LPP: variants seen among roughly 807,000 people sequenced by gnomAD.
LPP encodes the protein LIM domain containing preferred translocation partner in lipoma.
LPP carries 38 observed loss-of-function variants against 60.4 expected under a neutral mutation model. The ratio of observed to expected loss-of-function variants is 0.63; its 90% CI spans 0.49 to 0.83. The LOEUF (loss-of-function observed/expected upper bound fraction) is 0.83, where lower values mean the gene tolerates loss of function less well. LPP is among the 40% of genes least tolerant of loss of function. LPP has a pLI of 0.00. For synonymous variants in LPP, 328 were observed against 290.8 expected, an observed-to-expected ratio of 1.13 and a Z score of -1.30; for missense variants, 902 against 783.6, an observed-to-expected ratio of 1.15 and a Z score of -1.80.
chr3:188,334,422 C>CTTTTTTTTTTTTTTTTT (rs71167095), intron 2 of LPP, among the ~76,000 whole-genome samples: 1 of 98,676 alleles, frequency 1.0e-5, no homozygotes, highest in South Asian at 3.5e-4. Context: ...ATATTTCTTT[C>CTTTTTTTTTTTTTTTTT]TTTTTTTTTT....
intron 4 of LPP, 109 bp downstream of exon 4, chr3:188,406,422 C>T (rs1045503735): frequency 3.1e-5 from 31 of 1,013,440 alleles, no homozygotes; most frequent in Middle Eastern, 2.1e-4. Flanking sequence ...GAATTCACAG[C>T]GTGGGTGTCA....
intron 2 of LPP, among the ~76,000 whole-genome samples, chr3:188,326,935 AAG>A (rs1248626873): frequency 6.6e-6 from 1 of 152,176 alleles, no homozygotes; most frequent in Non-Finnish European, 1.5e-5. Flanking sequence ...AAATGAAGTA[AAG>A]AGACACAATG....
At chr3:188,272,003 C>T (rs1737909748) in intron 2 of LPP, among the ~76,000 whole-genome samples, 1 of 152,068 alleles carries the variant, frequency 6.6e-6, no homozygotes, top group South Asian at 2.1e-4. Context: ...TGGTCCCTTT[C>T]CTGGAAGCTG....
intron 2 of LPP, among the ~76,000 whole-genome samples, chr3:188,331,021 AT>A (rs1759908818): frequency 1.3e-5 from 2 of 151,818 alleles, no homozygotes; most frequent in African/African-American, 2.4e-5. Flanking sequence ...AGACTTCTAC[AT>A]TTGTTTTTTT....
chr3:188,200,925 A>G (rs1730909522), intron 1 of LPP, among the ~76,000 whole-genome samples: 1 of 152,184 alleles, frequency 6.6e-6, no homozygotes, highest in South Asian at 2.1e-4. Flanking sequence ...TATGTTTAAT[A>G]TTTGTTTATT....
At chr3:188,872,603 G>T (rs73888960) in intron 10 of LPP, 40 bp from the exon 11 acceptor site, 2 of 1,613,136 alleles carry the variant, frequency 1.2e-6, no homozygotes, top group East Asian at 4.5e-5. Context: ...CCTCAGTGTC[G>T]ACGCGCAGTA....
intron 4 of LPP, among the ~76,000 whole-genome samples, chr3:188,449,334 T>C (rs1411727728): frequency 1.3e-5 from 2 of 152,198 alleles, no homozygotes; most frequent in African/African-American, 4.8e-5. Context: ...CCTTCTTCCA[T>C]TCTCCCTTCC....
intron 8 of LPP, among the ~76,000 whole-genome samples, chr3:188,736,254 T>A (rs1722467570): frequency 6.6e-6 from 1 of 152,064 alleles, no homozygotes; most frequent in Admixed American, 6.5e-5. Flanking sequence ...TTAAAGTGTA[T>A]GTAAATATCA....
At chr3:188,383,579 A>AATTTTCAAAAG (rs1777446155) in intron 3 of LPP, among the ~76,000 whole-genome samples, 1 of 152,146 alleles carries the variant, frequency 6.6e-6, no homozygotes, top group Non-Finnish European at 1.5e-5. Flanking sequence ...CAATTATGTA[A>AATTTTCAAAAG]ATTTTCAAAA....
chr3:188,738,352 A>G (rs2150136360), intron 8 of LPP, among the ~76,000 whole-genome samples: 1 of 152,282 alleles, frequency 6.6e-6, no homozygotes, highest in Non-Finnish European at 1.5e-5. Context: ...AGCAACTCTA[A>G]TTTAATAGAA....
intron 4 of LPP, among the ~76,000 whole-genome samples, chr3:188,478,750 G>A (rs568439469): frequency 8.6e-5 from 13 of 151,832 alleles, no homozygotes; most frequent in Admixed American, 7.9e-4. Flanking sequence ...ATAGTTTTTT[G>A]TTTTTTTGTT....
intron 7 of LPP, among the ~76,000 whole-genome samples, chr3:188,629,663 T>G (rs2148483567): frequency 6.6e-6 from 1 of 152,132 alleles, no homozygotes; most frequent in Middle Eastern, 3.4e-3. Context: ...GCCGAAGCAA[T>G]TTATAGATTC....
chr3:188,498,162 C>T (rs4686965), intron 5 of LPP, among the ~76,000 whole-genome samples: 146,510 of 152,090 alleles, frequency 0.96, 70,823 homozygotes, highest in East Asian at 1. Context: ...TCTTTTTTTT[C>T]CCCCCCAGCT....
intron 4 of LPP, among the ~76,000 whole-genome samples, chr3:188,433,645 A>G (rs1456906178): frequency 2.0e-5 from 3 of 149,128 alleles, no homozygotes; most frequent in Non-Finnish European, 4.5e-5. Flanking sequence ...GGAGAGAGAG[A>G]AGGAGGGAGA....
At chr3:188,728,616 G>C (rs1719279929) in intron 8 of LPP, among the ~76,000 whole-genome samples, 1 of 152,136 alleles carries the variant, frequency 6.6e-6, no homozygotes. Flanking sequence ...TAGTAGATTT[G>C]TGGGTTGCAT....
intron 2 of LPP, among the ~76,000 whole-genome samples, chr3:188,275,440 G>T (rs1383705301): frequency 1.3e-5 from 2 of 152,110 alleles, no homozygotes; most frequent in African/African-American, 4.8e-5. Context: ...GCTCATCTCA[G>T]CCTGGAACTC....
At chr3:188,244,970 C>A (rs1186993634) in intron 2 of LPP, among the ~76,000 whole-genome samples, 1 of 152,094 alleles carries the variant, frequency 6.6e-6, no homozygotes, top group Non-Finnish European at 1.5e-5. Flanking sequence ...AGGGCATGGA[C>A]CGTGTCTAAT....
chr3:188,867,276 CATA>C (rs572872772), intron 10 of LPP, among the ~76,000 whole-genome samples: 1,602 of 147,644 alleles, frequency 0.011, 26 homozygotes, highest in African/African-American at 0.036. Context: ...TATATATATA[CATA>C]ATAATATGTA....
chr3:188,167,463 T>G (rs1048876147), intron 1 of LPP, among the ~76,000 whole-genome samples: 1 of 151,746 alleles, frequency 6.6e-6, no homozygotes, highest in Non-Finnish European at 1.5e-5. Context: ...GTGCCACCAC[T>G]GTACTCTAGC....
Sources: allele counts gnomAD v4.1 joint callset (sites outside exome capture counted in the v4.1 genomes callset), GRCh38; gene constraint gnomAD v4.1.1; transcripts MANE v1.5; gene names NCBI Gene and HGNC (gene_info 2026-07-23, HGNC 2026-07-21).